The following SYNE1 variants were observed in gnomAD, a reference collection of about 807,000 sequenced individuals.
SYNE1 encodes the protein spectrin repeat containing nuclear envelope protein 1.
Under a neutral mutation model 1,111.0 loss-of-function variants are expected in SYNE1, and 616 were observed. The observed-to-expected ratio is 0.55, with a 90% CI of 0.52 to 0.59. The LOEUF (loss-of-function observed/expected upper bound fraction) is 0.59, where lower values mean the gene tolerates loss of function less well. Ranked by LOEUF, SYNE1 falls within the 20% of genes least tolerant of loss-of-function variation. The pLI is 0.00. For missense variants in SYNE1, 10,006 were observed against 10,417.0 expected, an observed-to-expected ratio of 0.96 and a Z score of 1.72; for synonymous variants, 3,855 against 3,825.8, an observed-to-expected ratio of 1.01 and a Z score of -0.28.
At chr6:152,185,639 A>G (rs889103461) in intron 128 of SYNE1, among the ~76,000 whole-genome samples, 3 of 152,242 alleles carry the variant, frequency 2.0e-5, no homozygotes, top group African/African-American at 7.2e-5. Context: ...ACACTTCAAC[A>G]TGGAAAGTTT....
intron 50 of SYNE1, 102 bp downstream of exon 50, chr6:152,396,671 TCA>T (rs1393085134): frequency 9.0e-5 from 98 of 1,090,286 alleles, no homozygotes; most frequent in Middle Eastern, 2.3e-4. Context: ...TAATTTAAAC[TCA>T]CAGTGTCAAA....
intron 38 of SYNE1, 58 bp from the exon 39 acceptor site, chr6:152,425,605 T>C (rs1251484868): frequency 1.9e-6 from 3 of 1,600,316 alleles, no homozygotes; most frequent in Non-Finnish European, 2.6e-6. Flanking sequence ...GTAAGGACCA[T>C]GCGGCACAGG....
chr6:152,605,176 T>TA (rs912807664), intron 3 of SYNE1, among the ~76,000 whole-genome samples: 2 of 151,486 alleles, frequency 1.3e-5, no homozygotes, highest in African/African-American at 4.9e-5. Context: ...AATAGAATTC[T>TA]AAAAAATAAC....
chr6:152,346,675 T>C, intron 73 of SYNE1, among the ~76,000 whole-genome samples: 1 of 151,830 alleles, frequency 6.6e-6, no homozygotes, highest in East Asian at 2.0e-4. Flanking sequence ...CCAGGCGTGG[T>C]GGCGGGCGCC....
intron 3 of SYNE1, among the ~76,000 whole-genome samples, chr6:152,587,625 A>G (rs1276437923): frequency 6.6e-6 from 1 of 152,150 alleles, no homozygotes; most frequent in East Asian, 1.9e-4. Context: ...CTCTTTAGCA[A>G]CTTCCTCTTA....
At chr6:152,440,636 C>T (rs892945964) in intron 32 of SYNE1, among the ~76,000 whole-genome samples, 5 of 137,782 alleles carry the variant, frequency 3.6e-5, no homozygotes, top group Non-Finnish European at 6.0e-5. Flanking sequence ...GGTGCCATCT[C>T]GGCTCACTGC....
intron 20 of SYNE1, 133 bp from the exon 21 acceptor site, chr6:152,461,873 T>C (rs1414981764): frequency 8.6e-7 from 1 of 1,168,518 alleles, no homozygotes; most frequent in South Asian, 1.3e-5. Context: ...TTTCGACGAT[T>C]CCAGTTTTTG....
intron 22 of SYNE1, among the ~76,000 whole-genome samples, chr6:152,457,254 T>A (rs1216677668): frequency 6.6e-6 from 1 of 152,174 alleles, no homozygotes; most frequent in Non-Finnish European, 1.5e-5. Context: ...CAATAAGCTT[T>A]ACACTCAGGT....
chr6:152,125,296 T>A (rs1377535566), intron 145 of SYNE1: 13 of 1,550,330 alleles, frequency 8.4e-6, no homozygotes, highest in Non-Finnish European at 1.1e-5. Context: ...AAGAAGAGAA[T>A]CCTGAACTTG....
In SYNE1 at chr6:152,396,974, A is replaced by T. The variant is rs201692204; in HGVS notation, c.7357T>A (p.Leu2453Met). 1 of 1,614,186 alleles carries T rather than the reference A, an allele frequency of 6.2e-7. No homozygotes were observed. The highest frequency in any genetic ancestry group is 8.5e-7 in the Non-Finnish European group (1 of 1,180,012). The change falls in exon 50 of 146, where the codon TTG becomes ATG. Residue 2453 changes from leucine (L) to methionine (M), a missense_variant. By Grantham distance (15) the Leu-to-Met change is conservative (BLOSUM62 2). Coordinates refer to ENST00000367255, the MANE Select transcript of SYNE1 (RefSeq NM_182961.4). ...CTCTGCCCATCACTGACTGAGTCCA[A>T]AATGTTCTGTTTCAGGAAATAAAGG... ...EAKLHDLQNI[L>M]DSVSDGQSKL... is the part of the protein sequence containing the mutation.
At chr6:152,501,469 TCATGCCTGTGATCC>T (rs2099029595) in intron 10 of SYNE1, among the ~76,000 whole-genome samples, 1 of 152,178 alleles carries the variant, frequency 6.6e-6, no homozygotes, top group Admixed American at 6.5e-5. Flanking sequence ...GCGTGGTGGC[TCATGCCTGTGATCC>T]CAGCACTTTG....
intron 128 of SYNE1, among the ~76,000 whole-genome samples, chr6:152,186,390 C>G (rs574086456): frequency 3.1e-4 from 47 of 151,574 alleles, no homozygotes; most frequent in African/African-American, 1.0e-3. Context: ...AACCCTGTCT[C>G]TACTAAAAAT....
chr6:152,262,239 A>G, intron 100 of SYNE1, 51 bp from the exon 101 acceptor site: 1 of 1,547,694 alleles, frequency 6.5e-7, no homozygotes, highest in East Asian at 2.2e-5. Flanking sequence ...AAAAAGTGAT[A>G]AGACAGGTAA....
At chr6:152,252,730 A>T (rs1310243031) in intron 104 of SYNE1, among the ~76,000 whole-genome samples, 2 of 152,212 alleles carry the variant, frequency 1.3e-5, no homozygotes, top group Non-Finnish European at 2.9e-5. Flanking sequence ...GTTTCTCTCA[A>T]CTAAATTGGA....
chr6:152,180,181 C>G lies in SYNE1; in HGVS notation c.23415G>C (p.Gln7805His). The change falls in exon 129 of 146, where the codon CAG becomes CAC. Residue 7805 changes from glutamine to histidine, a missense_variant. Physicochemically the swap from Gln to His is conservative, Grantham distance 24 (BLOSUM62 0). Transcript: ENST00000367255. ...WLTQMESKVS[Q>H]NGDILIEEMI... Reference sequence around the variant, plus strand: ...TTTCTTCAATGAGAATGTCTCCATTCTGAGAAACTTTGCTTTCCATTTGAG... The same window carrying G: ...TTTCTTCAATGAGAATGTCTCCATTGTGAGAAACTTTGCTTTCCATTTGAG... 1 of 1,614,122 alleles carries G rather than the reference C, an allele frequency of 6.2e-7. No individual in the cohort carries two copies. The highest frequency in any genetic ancestry group is 1.1e-5 in the South Asian group (1 of 91,072).
Position 152,358,643 on chromosome 6 carries a change from CATT to C in SYNE1, c.10444-109_10444-107del, listed in dbSNP as rs144246911. 4.7e-3 allele frequency: 5,077 copies of C among 1,089,406 alleles called. 171 individuals are homozygous for C. The African/African-American group carries it at 0.074, about 16-fold the overall frequency. The allele number at this position is 1,089,406 out of a possible 1,614,324, so 67.5% of individuals were successfully genotyped here. ...TTTTAGAAAAGTATAATTATTGAGACATTAGAATATGAGTTATTTCCTAGAATC... is the reference window on the plus strand; with the variant it reads ...TTTTAGAAAAGTATAATTATTGAGACAGAATATGAGTTATTTCCTAGAATC... On this transcript the variant is annotated intron_variant, in intron 65 of 145. Transcript: ENST00000367255.
Position 152,318,185 on chromosome 6 carries a change from T to G in SYNE1, c.16468A>C (p.Asn5490His). The change falls in exon 86 of 146, where the codon AAT becomes CAT. Residue 5490 changes from asparagine (N) to histidine (H), a missense_variant. Asn to His is a moderately conservative substitution (Grantham distance 68, BLOSUM62 1). Around this residue, in one of 7 missense-constraint regions of SYNE1, gnomAD observed 4,955 missense variants for 5,017.2 expected, o/e 0.99. Coordinates refer to ENST00000367255, the MANE Select transcript of SYNE1 (RefSeq NM_182961.4). ...GCCAGTGGCTTACCCAGTTGGCCAT[T>G]CTGTTCCAAGAATTTCTGTACTGCT... is the stretch of plus-strand genomic sequence containing the variant. ...DAAVQKFLEQ[N>H]GQLGKPLAKK... 6.2e-7 allele frequency: 1 copy of G among 1,614,186 alleles called. No homozygotes were observed. Among genetic ancestry groups the G allele is most frequent in the Non-Finnish European group, 8.5e-7 (1 of 1,180,032 alleles).
chr6:152,623,274 T>C (rs916953457), intron 3 of SYNE1, among the ~76,000 whole-genome samples: 1 of 152,062 alleles, frequency 6.6e-6, no homozygotes, highest in African/African-American at 2.4e-5. Flanking sequence ...CAATAAATGG[T>C]GCTGGAATAA....
At position 152,201,910 on chromosome 6, in the gene SYNE1, C is replaced by T. The variant is rs768705708; in HGVS notation, c.23059G>A (p.Glu7687Lys). Residue 7687 changes from glutamate to lysine, a missense_variant, in exon 127 of 146, where the codon GAG becomes AAG. Around this residue, in one of 7 missense-constraint regions of SYNE1, gnomAD observed 2,182 missense variants for 2,287.8 expected, o/e 0.95. Transcript: ENST00000367255. ...KCEKGIADSL[E>K]KLRTFKKKLS... is the part of the protein sequence containing the mutation. ...TTCTTTTTGAAAGTTCGTAGTTTCT[C>T]CAGGGAATCTGCTATTCCTTTCTCA... is the stretch of plus-strand genomic sequence containing the variant. The T allele has an allele frequency of 6.2e-7, 1 of 1,613,876 alleles. No individual in the cohort carries two copies.
Sources: allele counts gnomAD v4.1 joint callset (sites outside exome capture counted in the v4.1 genomes callset), GRCh38; gene constraint gnomAD v4.1.1; regional missense constraint gnomAD v4.1.1; transcripts MANE v1.5; gene names NCBI Gene and HGNC (gene_info 2026-07-23, HGNC 2026-07-21).